The following CCDC181 variants were observed in gnomAD, a reference collection of about 807,000 sequenced individuals.
CCDC181 encodes the protein coiled-coil domain-containing protein 181.
Under a neutral mutation model 58.7 loss-of-function variants are expected in CCDC181, and 35 were observed. That is an observed-to-expected ratio of 0.60 (90% CI 0.46 to 0.79). The LOEUF (loss-of-function observed/expected upper bound fraction) is 0.79. Among genes scored for constraint, CCDC181 ranks in the 30% least tolerant of loss-of-function variants. The pLI is 0.00. For missense variants in CCDC181, 517 were observed against 583.9 expected, an observed-to-expected ratio of 0.89 and a Z score of 1.18; for synonymous variants, 183 against 197.5, an observed-to-expected ratio of 0.93 and a Z score of 0.62.
rs1292479826 is a variant in CCDC181, at chr1:169,419,055, C to T, written c.1173G>A (p.Arg391=). 2 of 1,613,572 alleles carry T rather than the reference C, an allele frequency of 1.2e-6. No individual in the cohort carries two copies. Among genetic ancestry groups the T allele is most frequent in the East Asian group, 2.2e-5 (1 of 44,858 alleles). Residue 391 remains arginine (R), a synonymous_variant, in exon 4 of 6, where the codon AGG becomes AGA. Transcript: ENST00000367806. ...QKKREQVLEM[R]RIQRAKEIED... Reference sequence around the variant, plus strand: ...CAATTTCCTTTGCTCGCTGAATTCTCCTCATTTCTAAGACCTGCTCTCTTT... The same window carrying T: ...CAATTTCCTTTGCTCGCTGAATTCTTCTCATTTCTAAGACCTGCTCTCTTT...
At chr1:169,430,949 C>T (rs1366892904), upstream of CCDC181, among the ~76,000 whole-genome samples, 1 of 152,174 alleles carries the variant, frequency 6.6e-6, no homozygotes, top group African/African-American at 2.4e-5. Flanking sequence ...CAAAGTTACA[C>T]TCCTATGCAA....
At chr1:169,433,791 A>G (rs1656981547) in intron 2 of CCDC181, among the ~76,000 whole-genome samples, 1 of 152,042 alleles carries the variant, frequency 6.6e-6, no homozygotes, top group Non-Finnish European at 1.5e-5. Context: ...TGGATCAAAG[A>G]TGTAAATGTA....
At chr1:169,439,953 C>T (rs749351132) in intron 2 of CCDC181, among the ~76,000 whole-genome samples, 1 of 152,110 alleles carries the variant, frequency 6.6e-6, no homozygotes, top group Non-Finnish European at 1.5e-5. Flanking sequence ...CTGCTCCACT[C>T]TGCTGCTCTT....
chr1:169,438,185 C>G (rs1159814702), intron 2 of CCDC181, among the ~76,000 whole-genome samples: 1 of 141,696 alleles, frequency 7.1e-6, no homozygotes, highest in Non-Finnish European at 1.6e-5. Flanking sequence ...CAGCCTAAGA[C>G]TAGCCTCACA....
chr1:169,405,725 A>G (rs1412696542), intron 4 of CCDC181, among the ~76,000 whole-genome samples: 3 of 152,246 alleles, frequency 2.0e-5, no homozygotes, highest in African/African-American at 7.2e-5. Flanking sequence ...GCTAGGAAAT[A>G]CCATTCAGGC....
chr1:169,407,835 A>T lies in CCDC181; in HGVS notation c.1216-10444T>A, dbSNP rs144980756. 5.1e-4 allele frequency among the ~76,000 whole-genome samples: 78 copies of T among 151,692 alleles called. 1 individual carries two copies. The highest frequency in any genetic ancestry group is 1.8e-3 in the African/African-American group (75 of 41,304). On this transcript the variant is annotated intron_variant, in intron 4 of 5. Coordinates refer to ENST00000367806, the MANE Select transcript of CCDC181 (RefSeq NM_001300969.2). ...CCTGGGAAGCTCAAGGGGTCAGGGA[A>T]CTCCCTCCCCTAGCCAAGGGAAGCT...
rs775249992 is a variant in CCDC181, at chr1:169,421,346, C to G, written c.1068+17G>C. 3.9e-6 allele frequency: 6 copies of G among 1,544,878 alleles called. No homozygotes were observed. In the Admixed American group the frequency reaches 8.9e-5, roughly 23 times the overall value. On this transcript the variant is annotated intron_variant, in intron 3 of 5. Transcript: ENST00000367806. ...AACATACTCTACTTTTAATATAATG[C>G]CCACTTAGGTTCTCACCTCTCTTTT...
rs755917584 is a variant in CCDC181, at chr1:169,395,181, T to C, written c.1396A>G (p.Lys466Glu). Residue 466 changes from lysine (K) to glutamate (E), a missense_variant, in exon 6 of 6, where the codon AAA (lysine) becomes GAA (glutamate). By Grantham distance (56) the Lys-to-Glu change is moderately conservative (BLOSUM62 1). Coordinates refer to ENST00000367806, the MANE Select transcript of CCDC181 (RefSeq NM_001300969.2). ...CTGACAGCTTGTTGCTCTGCCATTT[T>C]TTCCATCCGTTTCCTTCTTAACCAT... ...KQWLRRKRME[K>E]MAEQQAVRER... 13 of 1,611,998 alleles carry C rather than the reference T, an allele frequency of 8.1e-6. No homozygotes were observed. The highest frequency in any genetic ancestry group is 3.4e-6 in the Non-Finnish European group (4 of 1,179,380).
At chr1:169,445,273 C>G (rs191765767) in intron 2 of CCDC181, among the ~76,000 whole-genome samples, 1 of 152,102 alleles carries the variant, frequency 6.6e-6, no homozygotes, top group Non-Finnish European at 1.5e-5. Flanking sequence ...TTAGGTGTAG[C>G]GTTTTTGTAG....
At chr1:169,413,740 G>A (rs1476641742) in intron 4 of CCDC181, among the ~76,000 whole-genome samples, 2 of 152,028 alleles carry the variant, frequency 1.3e-5, no homozygotes, top group African/African-American at 4.8e-5. Context: ...GAAGCTGGAA[G>A]CCATCATTCT....
At chr1:169,453,205 A>G (rs1229173975) in intron 2 of CCDC181, among the ~76,000 whole-genome samples, 2 of 152,094 alleles carry the variant, frequency 1.3e-5, no homozygotes, top group Non-Finnish European at 2.9e-5. Flanking sequence ...ACAGAATTCA[A>G]AAGGACATTG....
intron 5 of CCDC181, among the ~76,000 whole-genome samples, chr1:169,395,420 T>C (rs1302624016): frequency 6.6e-6 from 1 of 152,236 alleles, no homozygotes; most frequent in Non-Finnish European, 1.5e-5. Flanking sequence ...ATGTTTGAAA[T>C]TGTCTGTCTT....
At chr1:169,402,612 A>C (rs1320242072) in intron 4 of CCDC181, among the ~76,000 whole-genome samples, 1 of 152,170 alleles carries the variant, frequency 6.6e-6, no homozygotes, top group African/African-American at 2.4e-5. Context: ...ATGCTGAGAG[A>C]TTTTGTCACC....
chr1:169,414,233 T>G (rs950489910), intron 4 of CCDC181, among the ~76,000 whole-genome samples: 2 of 152,166 alleles, frequency 1.3e-5, no homozygotes, highest in Non-Finnish European at 2.9e-5. Context: ...CTTCAGGATA[T>G]GAGGGACATT....
intron 4 of CCDC181, among the ~76,000 whole-genome samples, chr1:169,401,736 G>A (rs1655362378): frequency 6.6e-6 from 1 of 152,172 alleles, no homozygotes; most frequent in Non-Finnish European, 1.5e-5. Flanking sequence ...CTAAAAATCA[G>A]AGTGCCTCTT....
At chr1:169,442,430 G>C (rs897173346) in intron 2 of CCDC181, among the ~76,000 whole-genome samples, 1 of 151,880 alleles carries the variant, frequency 6.6e-6, no homozygotes, top group Non-Finnish European at 1.5e-5. Context: ...AGCAATTTTT[G>C]TGAAAATCTC....
intron 4 of CCDC181, among the ~76,000 whole-genome samples, chr1:169,400,627 G>C (rs1452309488): frequency 6.6e-6 from 1 of 152,152 alleles, no homozygotes; most frequent in East Asian, 1.9e-4. Context: ...AAATGAACAG[G>C]TGAATATAAT....
intron 4 of CCDC181, among the ~76,000 whole-genome samples, chr1:169,404,451 G>C (rs1415264543): frequency 6.6e-6 from 1 of 152,126 alleles, no homozygotes; most frequent in East Asian, 1.9e-4. Flanking sequence ...ACATCAAAAA[G>C]CTTATCCACC....
chr1:169,417,453 G>C (rs1656263821), intron 4 of CCDC181, among the ~76,000 whole-genome samples: 1 of 152,192 alleles, frequency 6.6e-6, no homozygotes. Context: ...ACAAGGCAAA[G>C]TATTTGGGAA....
Sources: allele counts gnomAD v4.1 joint callset (sites outside exome capture counted in the v4.1 genomes callset), GRCh38; gene constraint gnomAD v4.1.1; transcripts MANE v1.5; gene names NCBI Gene and HGNC (gene_info 2026-07-23, HGNC 2026-07-21).